Variants in STBD1 observed in about 807,000 individuals in gnomAD.
STBD1 encodes the protein starch binding domain 1, also known as starch-binding domain-containing protein 1.
Under a neutral mutation model 10.5 loss-of-function variants are expected in STBD1, and 13 were observed. The ratio of observed to expected loss-of-function variants is 1.24; its 90% CI spans 0.81 to 1.97. STBD1 has a LOEUF of 1.97. STBD1 is among the 30% of genes most tolerant of loss of function. STBD1 has a pLI of 0.00. For synonymous variants in STBD1, 146 were observed against 160.2 expected (o/e 0.91, Z 0.67); for missense variants, 427 against 435.6 (o/e 0.98, Z 0.17).
Position 76,306,964 on chromosome 4 carries a change from C to T in STBD1, c.195C>T (p.Ser65=), listed in dbSNP as rs747366979. ...SGSSGLSPGP[S]GQELVTKPEH... ...GCAGCGGACTGAGCCCTGGACCTTCCGGGCAGGAGCTGGTCACCAAACCAG... is the reference window on the plus strand; with the variant it reads ...GCAGCGGACTGAGCCCTGGACCTTCTGGGCAGGAGCTGGTCACCAAACCAG... The change falls in exon 1 of 2, where the codon TCC becomes TCT. Residue 65 remains serine, a synonymous_variant. Coordinates refer to ENST00000237642, the MANE Select transcript of STBD1 (RefSeq NM_003943.5). 7.5e-6 allele frequency: 12 copies of T among 1,603,320 alleles called. No individual in the cohort carries two copies. The highest frequency in any genetic ancestry group is 3.5e-5 in the Admixed American group (2 of 57,898).
chr4:76,308,448 T>C (rs1718843956), intron 1 of STBD1, among the ~76,000 whole-genome samples: 1 of 152,216 alleles, frequency 6.6e-6, no homozygotes, highest in South Asian at 2.1e-4. Flanking sequence ...AACTGCATTT[T>C]TAGAGGACTT....
intron 1 of STBD1, among the ~76,000 whole-genome samples, chr4:76,307,474 C>G (rs1212770484): frequency 6.6e-6 from 1 of 152,196 alleles, no homozygotes; most frequent in East Asian, 1.9e-4. Context: ...TTGGGAACAC[C>G]CGAACTGCGG....
At position 76,309,582 on chromosome 4, in the gene STBD1, G is replaced by A; in HGVS notation, c.659G>A (p.Ser220Asn). ...SSWGDVGVGG[S>N]LKAPVLNLNQ... ...TGGGGGGATGTTGGTGTGGGTGGCA[G>A]TCTTAAGGCTCCAGTGTTAAACCTA... The change falls in exon 2 of 2, where the codon AGT (serine) becomes AAT (asparagine). Residue 220 changes from serine (S) to asparagine (N), a missense_variant. Ser to Asn is a conservative substitution (Grantham distance 46, BLOSUM62 1). Transcript: ENST00000237642. The A allele has an allele frequency of 1.2e-6, 2 of 1,614,224 alleles. No individual in the cohort carries two copies. Among genetic ancestry groups the A allele is most frequent in the Non-Finnish European group, 1.7e-6 (2 of 1,180,042 alleles).
Position 76,306,820 on chromosome 4 carries a change from A to G in STBD1, c.51A>G (p.Ala17=), listed in dbSNP as rs767843342. The G allele has an allele frequency of 1.5e-5, 24 of 1,612,170 alleles. No individual in the cohort carries two copies. The Admixed American group carries it at 3.7e-4, about 25-fold the overall frequency. Residue 17 remains alanine (A), a synonymous_variant, in exon 1 of 2, where the codon GCA becomes GCG. Coordinates refer to ENST00000237642, the MANE Select transcript of STBD1 (RefSeq NM_003943.5). ...TGGTTGGAGGGGGTCTGGCCGGAGCACTTTTCGTTTGGCTGCTGCGGGGCG... is the reference window on the plus strand; with the variant it reads ...TGGTTGGAGGGGGTCTGGCCGGAGCGCTTTTCGTTTGGCTGCTGCGGGGCG... ...ALLVGGGLAG[A]LFVWLLRGGP...
chr4:76,307,404 C>CT (rs539927079), intron 1 of STBD1, among the ~76,000 whole-genome samples: 68 of 152,250 alleles, frequency 4.5e-4, no homozygotes, highest in Non-Finnish European at 9.0e-4. Flanking sequence ...GGGACATTTT[C>CT]TAAGTCCCAA....
rs1718872169 is a variant in STBD1, at chr4:76,309,305, A to G, written c.382A>G (p.Thr128Ala). Residue 128 changes from threonine (T) to alanine (A), a missense_variant, in exon 2 of 2, where the codon ACC becomes GCC. Transcript: ENST00000237642. ...GQFPDTEAPA[T>A]SETSNSRSYS... ...GTTTCCAGACACAGAAGCTCCAGCT[A>G]CCTCTGAGACCAGTAACTCTAGGAG... 1.9e-6 allele frequency: 3 copies of G among 1,613,940 alleles called. No individual in the cohort carries two copies. The highest frequency in any genetic ancestry group is 2.5e-6 in the Non-Finnish European group (3 of 1,180,024).
At chr4:76,308,094 C>A (rs1165984859) in intron 1 of STBD1, among the ~76,000 whole-genome samples, 10 of 151,956 alleles carry the variant, frequency 6.6e-5, no homozygotes, top group Non-Finnish European at 1.5e-4. Context: ...TATGGTGAAA[C>A]CCTGTCTCTA....
chr4:76,308,332 A>C (rs1417114666), intron 1 of STBD1, among the ~76,000 whole-genome samples: 4 of 149,662 alleles, frequency 2.7e-5, no homozygotes, highest in East Asian at 2.0e-4. Context: ...TACCACCACC[A>C]CCCCCACACC....
intron 1 of STBD1, 105 bp downstream of exon 1, chr4:76,307,094 T>G: frequency 1.2e-5 from 14 of 1,171,358 alleles, no homozygotes; most frequent in Non-Finnish European, 1.6e-5. Flanking sequence ...TAGGGGCCCA[T>G]TCCTGCGGAC....
At chr4:76,307,915 G>A (rs556513604) in intron 1 of STBD1, among the ~76,000 whole-genome samples, 1 of 152,120 alleles carries the variant, frequency 6.6e-6, no homozygotes, top group Non-Finnish European at 1.5e-5. Flanking sequence ...ACTGTGATTG[G>A]TCTGGGATGC....
In STBD1 at chr4:76,307,002, C is replaced by A. The variant is rs766778477; in HGVS notation, c.220+13C>A. 7 of 1,569,392 alleles carry A rather than the reference C, an allele frequency of 4.5e-6. No homozygotes were observed. The African/African-American group carries it at 8.1e-5, about 18-fold the overall frequency. On this transcript the variant is annotated intron_variant, in intron 1 of 1. Coordinates refer to ENST00000237642, the MANE Select transcript of STBD1 (RefSeq NM_003943.5). ...GTCACCAAACCAGGTATTCTTCCCC[C>A]CGTGACTCCAGGGCACATCTGCCAG...
chr4:76,306,762 T>C lies in STBD1; in HGVS notation c.-8T>C. 1 of 1,609,448 alleles carries C rather than the reference T, an allele frequency of 6.2e-7. No individual in the cohort carries two copies. On this transcript the variant is annotated 5_prime_UTR_variant, in exon 1 of 2. Transcript: ENST00000237642. ...CCTGTAGTCTCCTGCGGCCGCGGCC[T>C]CTCAGCCATGGGCGCCGTCTGGTCC...
intron 1 of STBD1, 51 bp downstream of exon 1, chr4:76,307,040 C>G: frequency 6.5e-7 from 1 of 1,529,404 alleles, no homozygotes; most frequent in Non-Finnish European, 8.8e-7. Flanking sequence ...CTTTGAGGTT[C>G]ATCGAGGAAG....
At position 76,309,988 on chromosome 4, in the gene STBD1, G is replaced by T; in HGVS notation, c.1065G>T (p.Trp355Cys). The change falls in exon 2 of 2, where the codon TGG (tryptophan) becomes TGT (cysteine). Residue 355 changes from tryptophan (W) to cysteine (C), a missense_variant. Physicochemically the swap from Trp to Cys is radical, Grantham distance 215. Coordinates refer to ENST00000237642, the MANE Select transcript of STBD1 (RefSeq NM_003943.5). The part of the protein sequence containing the change: ...GHEDKVVHAW[W>C]GIH ...AGGATAAAGTGGTTCACGCATGGTGGGGGATTCACTGATTCAGTTTGCAAA... is the reference window on the plus strand; with the variant it reads ...AGGATAAAGTGGTTCACGCATGGTGTGGGATTCACTGATTCAGTTTGCAAA... 1 of 1,610,120 alleles carries T rather than the reference G, an allele frequency of 6.2e-7. No homozygotes were observed.
rs1329859508 is a variant in STBD1 at position 76,310,194 on chromosome 4, G to A, written c.*194G>A. ...CAGAAATATATATGTGTGTATGTGT[G>A]TATATATATGCACACACACACAGAT... On this transcript the variant is annotated 3_prime_UTR_variant, in exon 2 of 2. Transcript: ENST00000237642. 2 of 636,024 alleles carry A rather than the reference G, an allele frequency of 3.1e-6. No homozygotes were observed. Among genetic ancestry groups the A allele is most frequent in the Non-Finnish European group, 2.7e-6 (1 of 375,284 alleles). 39.4% of individuals were successfully genotyped at this position (636,024 alleles called of 1,614,324 possible).
chr4:76,308,759 C>G (rs1718854805), intron 1 of STBD1, among the ~76,000 whole-genome samples: 1 of 152,218 alleles, frequency 6.6e-6, no homozygotes, highest in Non-Finnish European at 1.5e-5. Flanking sequence ...AGCCCTTTGC[C>G]CCACAGCCTG....
chr4:76,308,262 G>A (rs1474927146), intron 1 of STBD1, among the ~76,000 whole-genome samples: 1 of 108,164 alleles, frequency 9.2e-6, no homozygotes, highest in Non-Finnish European at 1.8e-5. Flanking sequence ...GACAGAGCGA[G>A]ACTCCATCTC....
intron 1 of STBD1, 30 bp downstream of exon 1, chr4:76,307,019 A>G (rs953010399): frequency 3.9e-6 from 6 of 1,552,350 alleles, no homozygotes; most frequent in Non-Finnish European, 5.2e-6. Flanking sequence ...TCCAGGGCAC[A>G]TCTGCCAGAG....
chr4:76,309,370 T>C lies in STBD1; in HGVS notation c.447T>C (p.Pro149=). The change falls in exon 2 of 2, where the codon CCT becomes CCC. Residue 149 remains proline (P), a synonymous_variant. Coordinates refer to ENST00000237642, the MANE Select transcript of STBD1 (RefSeq NM_003943.5). ...CAAGAAATGAAAGCCTTGAATCTCC[T>C]ATGGGAGAATGGGGATTCCAAAAAG... is the stretch of plus-strand genomic sequence containing the variant. ...EVSRNESLES[P]MGEWGFQKGQ... is the part of the protein sequence containing the mutation. The C allele has an allele frequency of 6.2e-7, 1 of 1,613,518 alleles. No homozygotes were observed. The highest frequency in any genetic ancestry group is 8.5e-7 in the Non-Finnish European group (1 of 1,179,830).
Sources: allele counts gnomAD v4.1 joint callset (sites outside exome capture counted in the v4.1 genomes callset), GRCh38; gene constraint gnomAD v4.1.1; transcripts MANE v1.5; gene names NCBI Gene and HGNC (gene_info 2026-07-23, HGNC 2026-07-21).